The following PPFIA2 variants were observed in gnomAD, a reference collection of about 807,000 sequenced individuals.
The protein encoded by PPFIA2 is PPFI scaffold protein A2.
In PPFIA2, 46 loss-of-function variants were observed where a neutral mutation model predicts 175.5. That is an observed-to-expected ratio of 0.26 (90% CI 0.21 to 0.34). PPFIA2 has a LOEUF of 0.34. PPFIA2 is among the 10% of genes least tolerant of loss of function. The pLI is 1.00. For missense variants in PPFIA2, 1,179 were observed against 1,506.1 expected, an observed-to-expected ratio of 0.78 and a Z score of 3.60; for synonymous variants, 568 against 511.4, an observed-to-expected ratio of 1.11 and a Z score of -1.49.
intron 4 of PPFIA2, among the ~76,000 whole-genome samples, chr12:81,478,842 T>C (rs927083120): frequency 3.9e-5 from 6 of 152,178 alleles, no homozygotes; most frequent in Non-Finnish European, 8.8e-5. Context: ...TCCAATTATG[T>C]GGTCAATTTT....
At chr12:81,620,322 T>C (rs1371706644) in intron 4 of PPFIA2, among the ~76,000 whole-genome samples, 1 of 152,014 alleles carries the variant, frequency 6.6e-6, no homozygotes, top group Non-Finnish European at 1.5e-5. Context: ...TAATTTACAG[T>C]TTTAAGGAAA....
At chr12:81,387,326 G>A (rs559092043) in intron 8 of PPFIA2, among the ~76,000 whole-genome samples, 1 of 152,012 alleles carries the variant, frequency 6.6e-6, no homozygotes, top group Non-Finnish European at 1.5e-5. Flanking sequence ...CTTAAGCCCT[G>A]TGATTTTTAT....
At chr12:81,500,542 T>A (rs2060486622) in intron 4 of PPFIA2, among the ~76,000 whole-genome samples, 1 of 152,202 alleles carries the variant, frequency 6.6e-6, no homozygotes, top group Non-Finnish European at 1.5e-5. Flanking sequence ...AACCAATATC[T>A]TGTCAACCCA....
In PPFIA2 at chr12:81,755,936, A is replaced by AGAAATTC. The variant is rs1334456534; in HGVS notation, c.-2-1714_-2-1713insGAATTTC. ...AAAACTGTTTCTTGCATTTATCTCA[A>AGAAATTC]TTTGATTTTCATTCAAAGACTATCA... On this transcript the variant is annotated intron_variant, in intron 2 of 32. Coordinates refer to ENST00000549396, the MANE Select transcript of PPFIA2 (RefSeq NM_003625.5). Among the ~76,000 whole-genome samples, 17 of 152,290 alleles carry AGAAATTC rather than the reference A, an allele frequency of 1.1e-4. No individual in the cohort carries two copies. In the East Asian group the frequency reaches 2.5e-3, roughly 22 times the overall value.
Position 81,753,925 on chromosome 12 carries a change from C to T in PPFIA2, c.249+48G>A. Reference sequence around the variant, plus strand: ...AGAATGGGAGTAAAGTGAATCTTAACAAATGTTCAATTACAATAGGAGAAA... The same window carrying T: ...AGAATGGGAGTAAAGTGAATCTTAATAAATGTTCAATTACAATAGGAGAAA... On this transcript the variant is annotated intron_variant, in intron 3 of 32. Transcript: ENST00000549396. 3 of 1,596,896 alleles carry T rather than the reference C, an allele frequency of 1.9e-6. No individual in the cohort carries two copies. The South Asian group carries it at 3.4e-5, about 18-fold the overall frequency.
chr12:81,270,819 T>A (rs1407866600), intron 28 of PPFIA2: 1 of 152,208 alleles, frequency 6.6e-6, no homozygotes, highest in Non-Finnish European at 1.5e-5. Context: ...GTAACACCCA[T>A]TATGAACTGA....
At chr12:81,271,980 C>T (rs1328622618) in intron 28 of PPFIA2, among the ~76,000 whole-genome samples, 3 of 151,986 alleles carry the variant, frequency 2.0e-5, no homozygotes, top group African/African-American at 7.3e-5. Flanking sequence ...TTAATTCTCT[C>T]TTTACTATTG....
At position 81,368,509 on chromosome 12, in the gene PPFIA2, T is replaced by C. The variant is rs1290763010; in HGVS notation, c.1482+216A>G. Among the ~76,000 whole-genome samples, 3 of 151,800 alleles carry C rather than the reference T, an allele frequency of 2.0e-5. No individual in the cohort carries two copies. The East Asian group carries it at 5.8e-4, about 29-fold the overall frequency. ...TTTGCCTCATATGAACATGTGAATA[T>C]AAAAGATTTATATATCATGCAAATT... On this transcript the variant is annotated intron_variant, in intron 13 of 32. Coordinates refer to ENST00000549396, the MANE Select transcript of PPFIA2 (RefSeq NM_003625.5).
intron 7 of PPFIA2, among the ~76,000 whole-genome samples, chr12:81,407,296 C>T (rs2043104259): frequency 6.6e-6 from 1 of 151,888 alleles, no homozygotes; most frequent in Admixed American, 6.6e-5. Flanking sequence ...ACCACCCTGG[C>T]CAACTGGTGA....
Position 81,339,222 on chromosome 12 carries a change from G to T in PPFIA2, c.2506C>A (p.Arg836Ser). ...GCTTTTTCTTTTTTACCAAACAAACGTCCTATTGAAGACTTGATTCCTTTC... is the reference window on the plus strand; with the variant it reads ...GCTTTTTCTTTTTTACCAAACAAACTTCCTATTGAAGACTTGATTCCTTTC... ...KKKGIKSSIGRLFGKKEKARL... is the reference protein window; with the variant it reads ...KKKGIKSSIGSLFGKKEKARL... The change falls in exon 21 of 33, where the codon CGT becomes AGT. Residue 836 changes from arginine to serine, a missense_variant. Around this residue, in one of 10 missense-constraint regions of PPFIA2, gnomAD observed 223 missense variants for 241.6 expected, o/e 0.92. Transcript: ENST00000549396. 6.2e-7 allele frequency: 1 copy of T among 1,606,618 alleles called. No homozygotes were observed. The highest frequency in any genetic ancestry group is 2.3e-5 in the East Asian group (1 of 44,410).
intron 5 of PPFIA2, among the ~76,000 whole-genome samples, chr12:81,449,382 T>C (rs1310723637): frequency 1.3e-5 from 2 of 152,088 alleles, no homozygotes; most frequent in Admixed American, 1.3e-4. Flanking sequence ...TAAACCCCCT[T>C]TTTGGATATA....
chr12:81,341,944 T>G (rs1997440), intron 19 of PPFIA2, among the ~76,000 whole-genome samples: 112,653 of 151,954 alleles, frequency 0.74, 43,952 homozygotes, highest in Non-Finnish European at 0.88. Context: ...CTAATGAAAT[T>G]TATTACAGGG....
In PPFIA2 at chr12:81,267,276, C is replaced by A. The variant is rs760966337; in HGVS notation, c.3487-256G>T. 1.3e-5 allele frequency: 7 copies of A among 544,796 alleles called. No individual in the cohort carries two copies. The African/African-American group carries it at 1.3e-4, about 10-fold the overall frequency. 33.7% of individuals were successfully genotyped at this position (544,796 alleles called of 1,614,324 possible). A position where few individuals can be genotyped will look rare whatever the true frequency, so the allele number is the denominator to read the frequency against. Reference sequence around the variant, plus strand: ...AGGTCAAGAGGCTTTGGCCTCACTTCGTTACTATATTTCAATTGAGTATTT... The same window carrying A: ...AGGTCAAGAGGCTTTGGCCTCACTTAGTTACTATATTTCAATTGAGTATTT... On this transcript the variant is annotated intron_variant, in intron 29 of 32. Coordinates refer to ENST00000549396, the MANE Select transcript of PPFIA2 (RefSeq NM_003625.5).
chr12:81,295,654 G>T (rs1478015585), intron 23 of PPFIA2, among the ~76,000 whole-genome samples: 1 of 152,094 alleles, frequency 6.6e-6, no homozygotes, highest in Non-Finnish European at 1.5e-5. Context: ...TCAAATCATT[G>T]AAAAACTAAA....
At chr12:81,756,329 A>T (rs956469449) in intron 2 of PPFIA2, among the ~76,000 whole-genome samples, 2 of 152,116 alleles carry the variant, frequency 1.3e-5, no homozygotes, top group African/African-American at 4.8e-5. Context: ...TCCACCCTGA[A>T]TCACTCAGAA....
chr12:81,333,563 T>G (rs557706725), intron 21 of PPFIA2, among the ~76,000 whole-genome samples: 1 of 152,190 alleles, frequency 6.6e-6, no homozygotes, highest in Non-Finnish European at 1.5e-5. Context: ...TCAACTCTTA[T>G]GTCTGTTAAT....
At chr12:81,321,556 G>A (rs888833683) in intron 22 of PPFIA2, among the ~76,000 whole-genome samples, 3 of 152,040 alleles carry the variant, frequency 2.0e-5, no homozygotes, top group Non-Finnish European at 4.4e-5. Context: ...CAACTTGAAA[G>A]TCTGTGACTA....
intron 4 of PPFIA2, among the ~76,000 whole-genome samples, chr12:81,621,820 C>A (rs1395589830): frequency 6.6e-6 from 1 of 152,008 alleles, no homozygotes; most frequent in Non-Finnish European, 1.5e-5. Context: ...TTTGAGATAT[C>A]CTTTAGACAT....
intron 4 of PPFIA2, among the ~76,000 whole-genome samples, chr12:81,623,635 T>C (rs1379212681): frequency 6.6e-6 from 1 of 152,032 alleles, no homozygotes; most frequent in African/African-American, 2.4e-5. Flanking sequence ...TGTATCCTTA[T>C]AGTTGTGTGG....
Sources: allele counts gnomAD v4.1 joint callset (sites outside exome capture counted in the v4.1 genomes callset), GRCh38; gene constraint gnomAD v4.1.1; regional missense constraint gnomAD v4.1.1; transcripts MANE v1.5; gene names NCBI Gene and HGNC (gene_info 2026-07-23, HGNC 2026-07-21).